MAP4K5: variants seen among roughly 807,000 people sequenced by gnomAD.
MAP4K5 encodes mitogen-activated protein kinase kinase kinase kinase 5, also known as MAPK/ERK kinase kinase kinase 5.
MAP4K5 carries 82 observed loss-of-function variants against 135.6 expected under a neutral mutation model. The observed-to-expected ratio is 0.60, with a 90% CI of 0.51 to 0.73. The LOEUF is 0.73. MAP4K5 is among the 30% of genes least tolerant of loss of function. The probability of loss-of-function intolerance (pLI) is 0.00; values close to 1 mark genes in which losing one functional copy is unlikely to be tolerated. For missense variants in MAP4K5, 907 were observed against 1,010.9 expected (o/e 0.90, Z 1.39); for synonymous variants, 347 against 335.0 (o/e 1.04, Z -0.39).
chr14:50,461,096 G>C (rs2139804066), intron 13 of MAP4K5, among the ~76,000 whole-genome samples: 1 of 152,242 alleles, frequency 6.6e-6, no homozygotes, highest in Non-Finnish European at 1.5e-5. Flanking sequence ...CACAATCTCA[G>C]CTCACTGCAA....
chr14:50,431,249 T>A (rs1046711942), intron 28 of MAP4K5, among the ~76,000 whole-genome samples: 1 of 151,726 alleles, frequency 6.6e-6, no homozygotes, highest in African/African-American at 2.4e-5. Context: ...ATCTTTTTTA[T>A]TTATTTATTT....
chr14:50,459,397 C>G (rs1157843415), intron 13 of MAP4K5, among the ~76,000 whole-genome samples: 3 of 152,150 alleles, frequency 2.0e-5, no homozygotes, highest in Non-Finnish European at 4.4e-5. Context: ...AATTAATACA[C>G]TTTTCTCCAT....
At chr14:50,442,144 T>C (rs974843362) in intron 21 of MAP4K5, among the ~76,000 whole-genome samples, 2 of 151,944 alleles carry the variant, frequency 1.3e-5, no homozygotes, top group Non-Finnish European at 2.9e-5. Context: ...AGTCTACATT[T>C]TAAAAAAGTT....
rs1355237562 is a variant in MAP4K5 at position 50,437,995 on chromosome 14, C to G, written c.1722G>C (p.Gln574His). 4 of 1,598,340 alleles carry G rather than the reference C, an allele frequency of 2.5e-6. No individual in the cohort carries two copies. Among genetic ancestry groups the G allele is most frequent in the African/African-American group, 1.3e-5 (1 of 74,554 alleles). The stretch of plus-strand genomic sequence containing the variant: ...AAGCTATAAGATTGTGAGAGTAGAG[C>G]TGAAAGGTTTTTCCTATAAAAGAAA... ...LMSLSEGKTF[Q>H]LYSHNLIALF... The change falls in exon 25 of 33, where the codon CAG becomes CAC. Residue 574 changes from glutamine (Q) to histidine (H), a missense_variant. By Grantham distance (24) the Gln-to-His change is conservative. Around this residue, in one of 3 missense-constraint regions of MAP4K5, gnomAD observed 690 missense variants for 777.4 expected, o/e 0.89. Transcript: ENST00000682126.
chr14:50,489,287 G>C (rs1327306755), intron 3 of MAP4K5, among the ~76,000 whole-genome samples: 1 of 152,158 alleles, frequency 6.6e-6, no homozygotes, highest in South Asian at 2.1e-4. Context: ...GTTTGAGGTT[G>C]CAGTGAGCTA....
rs2036037631 is a variant in MAP4K5 at position 50,434,222 on chromosome 14, G to A, written c.2164+172C>T. ...AAATAATTTGTATCAAACTACCTCT[G>A]GCAAATAGAGATCATAAATATACGT... is the stretch of plus-strand genomic sequence containing the variant. On this transcript the variant is annotated intron_variant, in intron 28 of 32. Coordinates refer to ENST00000682126, the MANE Select transcript of MAP4K5 (RefSeq NM_006575.6). Among the ~76,000 whole-genome samples the A allele has an allele frequency of 2.6e-5, 4 of 152,104 alleles. 1 individual carries two copies. Among genetic ancestry groups the A allele is most frequent in the Admixed American group, 2.6e-4 (4 of 15,266 alleles).
chr14:50,437,906 C>A lies in MAP4K5; in HGVS notation c.1811G>T (p.Arg604Leu), dbSNP rs374938609. The A allele has an allele frequency of 3.1e-6, 5 of 1,594,754 alleles. No homozygotes were observed. In the African/African-American group the frequency reaches 4.0e-5, roughly 13 times the overall value. The change falls in exon 25 of 33, where the codon CGA becomes CTA. Residue 604 changes from arginine (R) to leucine (L), a missense_variant. Coordinates refer to ENST00000682126, the MANE Select transcript of MAP4K5 (RefSeq NM_006575.6). ...TGATATTTTGTACCTTGGTAGTATTCGGTCTGGAAACCTGTGAGTTTGAAT... is the reference window on the plus strand; with the variant it reads ...TGATATTTTGTACCTTGGTAGTATTAGGTCTGGAAACCTGTGAGTTTGAAT... The part of the protein sequence containing the change: ...AHIQTHRFPD[R>L]ILPRKFALTT...
intron 2 of MAP4K5, among the ~76,000 whole-genome samples, chr14:50,530,585 G>C: frequency 6.6e-6 from 1 of 152,082 alleles, no homozygotes; most frequent in African/African-American, 2.4e-5. Context: ...CCACAAAATG[G>C]CTAATCCCTG....
At chr14:50,555,833 A>G (rs1448594882) in intron 1 of MAP4K5, among the ~76,000 whole-genome samples, 1 of 152,174 alleles carries the variant, frequency 6.6e-6, no homozygotes, top group Non-Finnish European at 1.5e-5. Flanking sequence ...ATTTTGTGTT[A>G]CCGCCAAAAG....
intron 13 of MAP4K5, among the ~76,000 whole-genome samples, chr14:50,459,683 ACTTTT>A (rs1386972639): frequency 6.8e-6 from 1 of 148,072 alleles, no homozygotes; most frequent in Non-Finnish European, 1.5e-5. Flanking sequence ...AGTCAGACTG[ACTTTT>A]CTTTCTTTCT....
Position 50,434,306 on chromosome 14 carries a change from C to T in MAP4K5, c.2164+88G>A, listed in dbSNP as rs557571345. Reference sequence around the variant, plus strand: ...TTTTGAATATTTAAAAGAGCCCACACTGGTGTTTTGCTTCTTTTATAGGTG... The same window carrying T: ...TTTTGAATATTTAAAAGAGCCCACATTGGTGTTTTGCTTCTTTTATAGGTG... On this transcript the variant is annotated intron_variant, in intron 28 of 32. Coordinates refer to ENST00000682126, the MANE Select transcript of MAP4K5 (RefSeq NM_006575.6). 42 of 926,260 alleles carry T rather than the reference C, an allele frequency of 4.5e-5. No individual in the cohort carries two copies. In the African/African-American group the frequency reaches 6.9e-4, roughly 15 times the overall value. 57.4% of individuals were successfully genotyped at this position (926,260 alleles called of 1,614,324 possible). A position where few individuals can be genotyped will look rare whatever the true frequency, so the allele number is the denominator to read the frequency against.
At chr14:50,552,130 A>C (rs2038710384) in intron 1 of MAP4K5, among the ~76,000 whole-genome samples, 1 of 152,158 alleles carries the variant, frequency 6.6e-6, no homozygotes, top group Non-Finnish European at 1.5e-5. Context: ...CTCATCCAAA[A>C]ATCTAGACCT....
rs764446217 is a variant in MAP4K5 at position 50,475,158 on chromosome 14, GA to G, written c.470-10del. The G allele has an allele frequency of 1.4e-4, 220 of 1,611,554 alleles. No individual in the cohort carries two copies. Among genetic ancestry groups the G allele is most frequent in the Non-Finnish European group, 1.7e-4 (202 of 1,178,054 alleles). Reference sequence around the variant, plus strand: ...AGCCACACCAAAGTCAGCTAGTGAGGAAAAAAACAGAAAATTTTAGTTCTTT... The same window carrying G: ...AGCCACACCAAAGTCAGCTAGTGAGGAAAAAACAGAAAATTTTAGTTCTTT... On this transcript the variant is annotated splice_polypyrimidine_tract_variant and intron_variant, in intron 8 of 32. Coordinates refer to ENST00000682126, the MANE Select transcript of MAP4K5 (RefSeq NM_006575.6).
chr14:50,468,161 T>C (rs1195020692), intron 10 of MAP4K5, among the ~76,000 whole-genome samples: 1 of 152,006 alleles, frequency 6.6e-6, no homozygotes, highest in Non-Finnish European at 1.5e-5. Flanking sequence ...CAAATATAAC[T>C]AGAAAAGTTT....
At chr14:50,545,631 T>C (rs2038621746) in intron 1 of MAP4K5, among the ~76,000 whole-genome samples, 1 of 152,110 alleles carries the variant, frequency 6.6e-6, no homozygotes, top group African/African-American at 2.4e-5. Flanking sequence ...ACTGAGAAAT[T>C]GTTAAAGCAG....
intron 21 of MAP4K5, among the ~76,000 whole-genome samples, chr14:50,442,140 C>T (rs771069059): frequency 6.6e-6 from 1 of 151,860 alleles, no homozygotes; most frequent in African/African-American, 2.4e-5. Flanking sequence ...ACATAGTCTA[C>T]ATTTTAAAAA....
At position 50,419,777 on chromosome 14, in the gene MAP4K5, A is replaced by G. The variant is rs1277150659; in HGVS notation, c.*242T>C. 2.0e-5 allele frequency: 8 copies of G among 396,730 alleles called. No homozygotes were observed. Among genetic ancestry groups the G allele is most frequent in the Non-Finnish European group, 3.2e-5 (7 of 220,318 alleles). The allele number at this position is 396,730 out of a possible 1,614,324, so 24.6% of individuals were successfully genotyped here. A position where few individuals can be genotyped will look rare whatever the true frequency, so the allele number is the denominator to read the frequency against. On this transcript the variant is annotated 3_prime_UTR_variant, in exon 33 of 33. Transcript: ENST00000682126. Reference sequence around the variant, plus strand: ...AAAAGACTGTGTTTCCTGGAACTAGAGGACTATTTGTCTCATAGCTTTTAT... The same window carrying G: ...AAAAGACTGTGTTTCCTGGAACTAGGGGACTATTTGTCTCATAGCTTTTAT...
chr14:50,436,232 G>T (rs895641314), intron 26 of MAP4K5, among the ~76,000 whole-genome samples: 9 of 152,146 alleles, frequency 5.9e-5, no homozygotes, highest in African/African-American at 1.4e-4. Context: ...AGGGTTAAAT[G>T]AGATAATTAT....
At chr14:50,424,435 G>A (rs769173563) in intron 31 of MAP4K5, among the ~76,000 whole-genome samples, 3 of 152,054 alleles carry the variant, frequency 2.0e-5, no homozygotes, top group Non-Finnish European at 2.9e-5. Flanking sequence ...AATAGGCCGG[G>A]TGTGGGGCTC....
Sources: gnomAD v4.1 joint callset for allele counts (sites outside exome capture counted in the v4.1 genomes callset) on GRCh38, gnomAD v4.1.1 for gene constraint, gnomAD v4.1.1 regional missense constraint, MANE v1.5 for transcripts, NCBI Gene and HGNC (gene_info 2026-07-23, HGNC 2026-07-21) for gene names.